The following MUC20 variants were observed in gnomAD, a reference collection of about 807,000 sequenced individuals.
MUC20 encodes mucin 20, cell surface associated, also known as mucin-20.
In MUC20, 14 loss-of-function variants were observed where a neutral mutation model predicts 23.8. The observed-to-expected ratio is 0.59, with a 90% CI of 0.39 to 0.92. The LOEUF (loss-of-function observed/expected upper bound fraction) is 0.92, where lower values mean the gene tolerates loss of function less well. MUC20 is among the 40% of genes least tolerant of loss of function. MUC20 has a pLI of 0.00. For synonymous variants in MUC20, 166 were observed against 279.3 expected, an observed-to-expected ratio of 0.59 and a Z score of 4.04; for missense variants, 375 against 668.8, an observed-to-expected ratio of 0.56 and a Z score of 4.85.
chr3:195,727,542 G>A (rs1712826197), intron 2 of MUC20, among the ~76,000 whole-genome samples: 1 of 152,368 alleles, frequency 6.6e-6, no homozygotes, highest in East Asian at 1.9e-4. Flanking sequence ...CTGTCACTCT[G>A]CCCTTGGGCC....
chr3:195,728,712 G>C (rs6791452), intron 2 of MUC20, among the ~76,000 whole-genome samples: 8,299 of 145,412 alleles, frequency 0.057, 34 homozygotes, highest in Middle Eastern at 0.089. Context: ...TCAGGTCTTT[G>C]TCATCCCACA....
In MUC20 at chr3:195,729,682, T is replaced by C. The variant is rs1199182347; in HGVS notation, c.2004T>C (p.Ser668=). The change falls in exon 3 of 4, where the codon AGT becomes AGC. Residue 668 remains serine (S), a synonymous_variant. Coordinates refer to ENST00000447234, the MANE Select transcript of MUC20 (RefSeq NM_001282506.2). ...GAGGTTTCCTCCTCCTGCGGCTGAG[T>C]GTGGCTTCCCCGGAAGACCTCACTG... The part of the protein sequence containing the change: ...ENGGFLLLRL[S]VASPEDLTDP... The C allele has an allele frequency of 1.9e-6, 3 of 1,596,222 alleles. No homozygotes were observed. Among genetic ancestry groups the C allele is most frequent in the Admixed American group, 3.4e-5 (2 of 58,028 alleles).
chr3:195,733,097 C>G (rs952672497), intron 3 of MUC20, 53 bp from the exon 4 acceptor site: 3 of 1,543,710 alleles, frequency 1.9e-6, no homozygotes, highest in Middle Eastern at 1.7e-4. Flanking sequence ...CTGCCTCTGG[C>G]GAGCTCATGG....
intron 3 of MUC20, among the ~76,000 whole-genome samples, chr3:195,732,579 C>G (rs189810030): frequency 7.2e-5 from 11 of 152,258 alleles, no homozygotes; most frequent in African/African-American, 2.4e-4. Context: ...AGGCTGGTCT[C>G]GAACTCCTGA....
intron 2 of MUC20, among the ~76,000 whole-genome samples, chr3:195,727,517 C>G (rs979096654): frequency 1.3e-5 from 2 of 152,284 alleles, no homozygotes; most frequent in Admixed American, 1.3e-4. Context: ...AGCCTGTAGC[C>G]TCCACCTCCA....
In MUC20 at chr3:195,733,173, C is replaced by T. The variant is rs536626783; in HGVS notation, c.2085C>T (p.His695=). The T allele has an allele frequency of 2.7e-4, 438 of 1,594,876 alleles. No homozygotes were observed. The highest frequency in any genetic ancestry group is 3.5e-4 in the Non-Finnish European group (407 of 1,171,606). ...AGCTCCACCGGGAACTCCACGCCCA[C>T]GCGCCTCACTTCCAGGTCTCCTTAC... The part of the protein sequence containing the change: ...MQQLHRELHA[H]APHFQVSLLR... The change falls in exon 4 of 4, where the codon CAC becomes CAT. Residue 695 remains histidine (H), a synonymous_variant. Coordinates refer to ENST00000447234, the MANE Select transcript of MUC20 (RefSeq NM_001282506.2).
rs1713595233 is a variant in MUC20 at position 195,733,319 on chromosome 3, G to A, written c.*101G>A. The A allele has an allele frequency of 1.3e-6, 2 of 1,532,150 alleles. No homozygotes were observed. Among genetic ancestry groups the A allele is most frequent in the Admixed American group, 4.1e-5 (2 of 48,950 alleles). 94.9% of individuals were successfully genotyped at this position (1,532,150 alleles called of 1,614,324 possible). On this transcript the variant is annotated 3_prime_UTR_variant, in exon 4 of 4. Transcript: ENST00000447234. The stretch of plus-strand genomic sequence containing the variant: ...GACTGCAGCTGCGTTACTGTGCTGA[G>A]AGGTACCCAGAAGGTTCCCATGAAG...
intron 2 of MUC20, chr3:195,729,338 G>A (rs1713106259): frequency 1.2e-5 from 2 of 162,384 alleles, no homozygotes; most frequent in African/African-American, 3.0e-5. Context: ...TTTTTTTTGA[G>A]ACAGTTTCGC....
At chr3:195,727,649 A>G (rs1712838404) in intron 2 of MUC20, among the ~76,000 whole-genome samples, 1 of 152,416 alleles carries the variant, frequency 6.6e-6, no homozygotes, top group East Asian at 1.9e-4. Context: ...ATATTATTGA[A>G]TATCTTTCAT....
intron 3 of MUC20, among the ~76,000 whole-genome samples, chr3:195,732,412 T>C (rs1218371560): frequency 6.6e-6 from 1 of 151,890 alleles, no homozygotes; most frequent in Non-Finnish European, 1.5e-5. Flanking sequence ...CAGGCTGGAG[T>C]GCAATGGCAC....
rs200319871 is a variant in MUC20 at position 195,726,383 on chromosome 3, A to G, written c.1780A>G (p.Ile594Val). Residue 594 changes from isoleucine to valine, a missense_variant, in exon 2 of 4, where the codon ATC becomes GTC. Ile to Val is a conservative substitution (Grantham distance 29). Transcript: ENST00000447234. ...FTPSETPTMD[I>V]ATKGPFPTSR... ...CCCTTCAGAGACACCGACCATGGAC[A>G]TCGCAACCAAGGGGCCCTTCCCCAC... The G allele has an allele frequency of 7.5e-4, 1,203 of 1,613,876 alleles. No individual in the cohort carries two copies. Among genetic ancestry groups the G allele is most frequent in the Non-Finnish European group, 9.3e-4 (1,093 of 1,179,790 alleles).
chr3:195,730,646 G>A (rs969750371), intron 3 of MUC20, among the ~76,000 whole-genome samples: 11 of 152,058 alleles, frequency 7.2e-5, no homozygotes, highest in South Asian at 2.1e-4. Flanking sequence ...CACCGCACCC[G>A]GCCCCCTCTC....
At chr3:195,729,389 T>G (rs868266111) in intron 2 of MUC20, 8 of 404,166 alleles carry the variant, frequency 2.0e-5, no homozygotes, top group Non-Finnish European at 3.2e-5. Context: ...CGATCTCAGA[T>G]CACCACAACC....
chr3:195,729,281 G>A (rs562959661), intron 2 of MUC20: 13 of 263,848 alleles, frequency 4.9e-5, no homozygotes, highest in East Asian at 2.6e-4. Flanking sequence ...ATGTACATAC[G>A]GAAGCAAATA....
intron 1 of MUC20, chr3:195,721,632 G>A (rs7630723): frequency 0.031 from 5,047 of 162,166 alleles, 44 homozygotes; most frequent in African/African-American, 0.12. Context: ...AGACGGGAAT[G>A]AACCCTGACC....
At position 195,725,948 on chromosome 3, in the gene MUC20, G is replaced by A. The variant is rs1712581816; in HGVS notation, c.1345G>A (p.Gly449Arg). 7 of 1,613,756 alleles carry A rather than the reference G, an allele frequency of 4.3e-6. No individual in the cohort carries two copies. The highest frequency in any genetic ancestry group is 5.9e-6 in the Non-Finnish European group (7 of 1,179,838). The change falls in exon 2 of 4, where the codon GGG (glycine) becomes AGG (arginine). Residue 449 changes from glycine to arginine, a missense_variant. Gly to Arg is a moderately radical substitution (Grantham distance 125). Around this residue, in one of 4 missense-constraint regions of MUC20, gnomAD observed 343 missense variants for 340.2 expected, o/e 1.01. Coordinates refer to ENST00000447234, the MANE Select transcript of MUC20 (RefSeq NM_001282506.2). ...AGACACAGATCTCATCCCCACGGAAGGGGTGAAGGCCTCGTCCACCTCCGA... is the reference window on the plus strand; with the variant it reads ...AGACACAGATCTCATCCCCACGGAAAGGGTGAAGGCCTCGTCCACCTCCGA... Reference protein sequence around the residue: ...ASDTDLIPTEGVKASSTSDPP... With the variant: ...ASDTDLIPTERVKASSTSDPP...
intron 2 of MUC20, among the ~76,000 whole-genome samples, chr3:195,728,690 C>G (rs945871661): frequency 2.6e-5 from 4 of 152,112 alleles, no homozygotes; most frequent in Admixed American, 6.5e-5. Flanking sequence ...CGGGTGTCAG[C>G]CTGGGGGACG....
At position 195,726,257 on chromosome 3, in the gene MUC20, G is replaced by A; in HGVS notation, c.1654G>A (p.Val552Ile). Residue 552 changes from valine (V) to isoleucine (I), a missense_variant, in exon 2 of 4, where the codon GTC (valine) becomes ATC (isoleucine). Val to Ile is a conservative substitution (Grantham distance 29). Transcript: ENST00000447234. ...SYVKVSGAAP[V>I]SIEAGSAVGK... ...CGTCAAAGTCTCAGGAGCAGCTCCG[G>A]TCTCCATAGAGGCTGGGTCAGCAGT... 1 of 1,614,024 alleles carries A rather than the reference G, an allele frequency of 6.2e-7. No homozygotes were observed. Among genetic ancestry groups the A allele is most frequent in the Non-Finnish European group, 8.5e-7 (1 of 1,179,884 alleles).
At position 195,725,952 on chromosome 3, in the gene MUC20, T is replaced by G; in HGVS notation, c.1349T>G (p.Val450Gly). Reference sequence around the variant, plus strand: ...ACAGATCTCATCCCCACGGAAGGGGTGAAGGCCTCGTCCACCTCCGATCCA... The same window carrying G: ...ACAGATCTCATCCCCACGGAAGGGGGGAAGGCCTCGTCCACCTCCGATCCA... ...SDTDLIPTEG[V>G]KASSTSDPPA... is the part of the protein sequence containing the mutation. Residue 450 changes from valine (V) to glycine (G), a missense_variant, in exon 2 of 4, where the codon GTG becomes GGG. Physicochemically the swap from Val to Gly is moderately radical, Grantham distance 109. This residue lies in a region of MUC20 where 343 missense variants were observed against 340.2 expected (regional missense o/e 1.01). Coordinates refer to ENST00000447234, the MANE Select transcript of MUC20 (RefSeq NM_001282506.2). 6.2e-7 allele frequency: 1 copy of G among 1,613,536 alleles called. No individual in the cohort carries two copies. The highest frequency in any genetic ancestry group is 8.5e-7 in the Non-Finnish European group (1 of 1,179,744).
Sources: gnomAD v4.1 joint callset for allele counts (sites outside exome capture counted in the v4.1 genomes callset) on GRCh38, gnomAD v4.1.1 for gene constraint, gnomAD v4.1.1 regional missense constraint, MANE v1.5 for transcripts, NCBI Gene and HGNC (gene_info 2026-07-23, HGNC 2026-07-21) for gene names.